The following FRMPD1 variants were observed in gnomAD, a reference collection of about 807,000 sequenced individuals.
FRMPD1 encodes FERM and PDZ domain-containing protein 1.
A neutral mutation model predicts 117.8 loss-of-function variants in FRMPD1; 76 were observed. The observed-to-expected ratio is 0.65, with a 90% confidence interval of 0.54 to 0.78. FRMPD1 has a LOEUF of 0.78. FRMPD1 is among the 30% of genes least tolerant of loss of function. The pLI is 0.00. For synonymous variants in FRMPD1, 783 were observed against 770.4 expected (o/e 1.02, Z -0.27); for missense variants, 1,786 against 1,964.5 (o/e 0.91, Z 1.72).
intron 1 of FRMPD1, among the ~76,000 whole-genome samples, chr9:37,659,138 T>C (rs573330856): frequency 1.3e-5 from 2 of 152,202 alleles, no homozygotes; most frequent in Non-Finnish European, 2.9e-5. Flanking sequence ...AGTGCTGGGA[T>C]GACGGGTGTG....
At chr9:37,656,121 A>G (rs1820836100) in intron 1 of FRMPD1, among the ~76,000 whole-genome samples, 1 of 152,150 alleles carries the variant, frequency 6.6e-6, no homozygotes, top group South Asian at 2.1e-4. Flanking sequence ...TTTCTACCCC[A>G]CAACCCTTTT....
At chr9:37,709,125 G>A (rs934096696) in intron 4 of FRMPD1, among the ~76,000 whole-genome samples, 13 of 152,114 alleles carry the variant, frequency 8.5e-5, no homozygotes, top group East Asian at 3.8e-4. Context: ...ACTTTAAGAC[G>A]GAGGAGTGCC....
chr9:37,742,339 C>T (rs1285761065), intron 15 of FRMPD1, among the ~76,000 whole-genome samples: 1 of 152,222 alleles, frequency 6.6e-6, no homozygotes, highest in East Asian at 1.9e-4. Context: ...AGTCAGGGCC[C>T]TTTTATGGGA....
Position 37,707,617 on chromosome 9 carries a change from G to A in FRMPD1, c.259+44G>A, listed in dbSNP as rs779088681. 1.7e-5 allele frequency: 26 copies of A among 1,519,964 alleles called. No individual in the cohort carries two copies. In the East Asian group the frequency reaches 4.7e-4, roughly 28 times the overall value. 94.2% of individuals were successfully genotyped at this position (1,519,964 alleles called of 1,614,324 possible). ...ATGAGAAAGGAGTTTGGTTTCTTAA[G>A]GGGAAATAGCCCCAAATCTCCCCGA... On this transcript the variant is annotated intron_variant, in intron 3 of 15. Coordinates refer to ENST00000377765, the MANE Select transcript of FRMPD1 (RefSeq NM_014907.3).
chr9:37,725,229 G>A (rs185786568), intron 7 of FRMPD1, among the ~76,000 whole-genome samples: 1 of 152,330 alleles, frequency 6.6e-6, no homozygotes, highest in Non-Finnish European at 1.5e-5. Flanking sequence ...ATCGTATGGT[G>A]CTAGCAGTTC....
Position 37,744,902 on chromosome 9 carries a change from G to A in FRMPD1, c.2870G>A (p.Gly957Asp), listed in dbSNP as rs1469292660. 4.3e-6 allele frequency: 7 copies of A among 1,614,062 alleles called. No homozygotes were observed. In the South Asian group the frequency reaches 4.4e-5, roughly 10 times the overall value. Residue 957 changes from glycine to aspartate, a missense_variant, in exon 16 of 16, where the codon GGT becomes GAT. Coordinates refer to ENST00000377765, the MANE Select transcript of FRMPD1 (RefSeq NM_014907.3). ...GACCCCAACAATAAAGAGAATTCTG[G>A]TGTTGTCCCTGCTGCCAGCTCCTCA... ...RIDPNNKENS[G>D]VVPAASSSAS...
intron 2 of FRMPD1, among the ~76,000 whole-genome samples, chr9:37,706,100 G>T (rs1486821491): frequency 4.6e-5 from 7 of 152,076 alleles, no homozygotes; most frequent in Admixed American, 2.6e-4. Flanking sequence ...TGCTGCTCCA[G>T]CTCAGTATTA....
chr9:37,744,649 C>T lies in FRMPD1; in HGVS notation c.2617C>T (p.Pro873Ser). 2.5e-6 allele frequency: 4 copies of T among 1,613,750 alleles called. No individual in the cohort carries two copies. Among genetic ancestry groups the T allele is most frequent in the Non-Finnish European group, 3.4e-6 (4 of 1,179,814 alleles). ...CGACGTGTGCTACTATGACAGGGAG[C>T]CCTACCTGGCCCTTGGTGCACCCTC... is the stretch of plus-strand genomic sequence containing the variant. ...VDDVCYYDRE[P>S]YLALGAPSPT... The change falls in exon 16 of 16, where the codon CCC becomes TCC. Residue 873 changes from proline (P) to serine (S), a missense_variant. Pro to Ser is a moderately conservative substitution (Grantham distance 74, BLOSUM62 -1). Transcript: ENST00000377765.
At chr9:37,648,466 G>A (rs1416302910), upstream of FRMPD1, among the ~76,000 whole-genome samples, 1 of 152,188 alleles carries the variant, frequency 6.6e-6, no homozygotes, top group Non-Finnish European at 1.5e-5. Flanking sequence ...CAGCAGGAGA[G>A]TCACTGGTCA....
intron 10 of FRMPD1, 142 bp downstream of exon 10, chr9:37,732,582 T>C: frequency 1.2e-6 from 1 of 819,040 alleles, no homozygotes; most frequent in South Asian, 2.2e-5. Flanking sequence ...CTGCACCCTC[T>C]CTAATCTGAC....
At chr9:37,642,605 A>G in the FRMPD1 span, among the ~76,000 whole-genome samples, 3 of 152,214 alleles carry the variant, frequency 2.0e-5, no homozygotes, top group Non-Finnish European at 4.4e-5. Context: ...AAATTTGGCA[A>G]GGACGATTTG....
Position 37,746,481 on chromosome 9 carries a change from C to G in FRMPD1, c.4449C>G (p.Pro1483=). The change falls in exon 16 of 16, where the codon CCC becomes CCG. Residue 1483 remains proline (P), a synonymous_variant. Coordinates refer to ENST00000377765, the MANE Select transcript of FRMPD1 (RefSeq NM_014907.3). ...CRHVIRMDQS[P]EEMQGAVRDT... is the part of the protein sequence containing the mutation. ...ATGTGATCAGAATGGACCAGTCCCC[C>G]GAAGAGATGCAGGGGGCCGTGCGTG... 6.2e-7 allele frequency: 1 copy of G among 1,613,710 alleles called. No homozygotes were observed. Among genetic ancestry groups the G allele is most frequent in the Non-Finnish European group, 8.5e-7 (1 of 1,180,032 alleles).
chr9:37,646,820 T>C (rs1193426874), upstream of FRMPD1, among the ~76,000 whole-genome samples: 1 of 152,148 alleles, frequency 6.6e-6, no homozygotes, highest in African/African-American at 2.4e-5. Context: ...AAGGAAATTG[T>C]ATAGAAAAGC....
At chr9:37,669,633 C>A (rs117464547) in intron 1 of FRMPD1, 1,576 of 152,208 alleles carry the variant, frequency 0.01, 12 homozygotes, top group Non-Finnish European at 0.016. Context: ...TTCCCTTTTT[C>A]TGCTTCTCTG....
intron 1 of FRMPD1, among the ~76,000 whole-genome samples, chr9:37,653,922 C>T (rs1457078776): frequency 6.6e-6 from 1 of 152,126 alleles, no homozygotes; most frequent in African/African-American, 2.4e-5. Flanking sequence ...GATCAGGCCA[C>T]TGCACTCCAG....
At chr9:37,650,781 G>C (rs558636572), upstream of FRMPD1, among the ~76,000 whole-genome samples, 3 of 151,366 alleles carry the variant, frequency 2.0e-5, no homozygotes, top group African/African-American at 4.8e-5. Context: ...CCACTGCGGC[G>C]GGCCGGGACC....
intron 7 of FRMPD1, among the ~76,000 whole-genome samples, chr9:37,727,159 A>C (rs1400883743): frequency 6.6e-6 from 1 of 152,132 alleles, no homozygotes; most frequent in Non-Finnish European, 1.5e-5. Flanking sequence ...GAGAGTCTTG[A>C]ATATTAAGCT....
At position 37,739,929 on chromosome 9, in the gene FRMPD1, G is replaced by T. The variant is rs79482448; in HGVS notation, c.1550-149G>T. 1,030 of 617,832 alleles carry T rather than the reference G, an allele frequency of 1.7e-3. 7 individuals are homozygous for T. The African/African-American group carries it at 0.017, about 10-fold the overall frequency. The allele number at this position is 617,832 out of a possible 1,614,324, so 38.3% of individuals were successfully genotyped here. On this transcript the variant is annotated intron_variant, in intron 14 of 15. Coordinates refer to ENST00000377765, the MANE Select transcript of FRMPD1 (RefSeq NM_014907.3). Reference sequence around the variant, plus strand: ...TGGAAGCTGGAGTCCCTCGGATCCCGTGTTCGTCAGTATAGGACGGTCTTA... The same window carrying T: ...TGGAAGCTGGAGTCCCTCGGATCCCTTGTTCGTCAGTATAGGACGGTCTTA...
chr9:37,736,600 A>G (rs900433236), intron 13 of FRMPD1, among the ~76,000 whole-genome samples: 1 of 150,654 alleles, frequency 6.6e-6, no homozygotes, highest in East Asian at 2.0e-4. Context: ...TCTTACTTTT[A>G]TTCTGCCCTC....
Sources: allele counts gnomAD v4.1 joint callset (sites outside exome capture counted in the v4.1 genomes callset), GRCh38; gene constraint gnomAD v4.1.1; transcripts MANE v1.5; gene names NCBI Gene and HGNC (gene_info 2026-07-23, HGNC 2026-07-21).